Variants in SARNP observed in about 807,000 individuals in gnomAD.
SARNP encodes the protein SAP domain-containing ribonucleoprotein.
A neutral mutation model predicts 38.1 loss-of-function variants in SARNP; 5 were observed. The ratio of observed to expected loss-of-function variants is 0.13; its 90% CI spans 0.07 to 0.28. The LOEUF is 0.28. Ranked by LOEUF, SARNP falls within the 10% of genes least tolerant of loss-of-function variation. The probability of loss-of-function intolerance (pLI) is 1.00; values close to 1 mark genes in which losing one functional copy is unlikely to be tolerated. For synonymous variants in SARNP, 84 were observed against 80.6 expected (o/e 1.04, Z -0.23); for missense variants, 180 against 243.9 (o/e 0.74, Z 1.75).
At chr12:55,770,859 A>C (rs1053986661) in intron 9 of SARNP, among the ~76,000 whole-genome samples, 2 of 151,324 alleles carry the variant, frequency 1.3e-5, no homozygotes, top group African/African-American at 2.4e-5. Context: ...ATGGCTGTTT[A>C]CTCTGCCAAA....
chr12:55,754,454 G>A (rs1364287744), downstream of SARNP: 1 of 152,164 alleles, frequency 6.6e-6, no homozygotes, highest in African/African-American at 2.4e-5. Flanking sequence ...GTAGAAGCAG[G>A]AAAATCAATG....
At chr12:55,775,932 C>G (rs937146027) in intron 9 of SARNP, among the ~76,000 whole-genome samples, 1 of 152,158 alleles carries the variant, frequency 6.6e-6, no homozygotes, top group African/African-American at 2.4e-5. Context: ...TCTGCCATTG[C>G]TCTCACATGA....
At chr12:55,768,732 T>G (rs892540620) in intron 9 of SARNP, among the ~76,000 whole-genome samples, 4 of 151,850 alleles carry the variant, frequency 2.6e-5, no homozygotes, top group Non-Finnish European at 5.9e-5. Context: ...CCAGCCTCTT[T>G]CTTTTTTTTG....
intron 9 of SARNP, chr12:55,762,122 A>G (rs1214132009): frequency 6.6e-6 from 1 of 152,078 alleles, no homozygotes; most frequent in Non-Finnish European, 1.5e-5. Flanking sequence ...ACCCATCTTT[A>G]CTAAACATAC....
chr12:55,760,449 TA>T, intron 10 of SARNP, 101 bp downstream of exon 10: 1 of 714,370 alleles, frequency 1.4e-6, no homozygotes, highest in Non-Finnish European at 2.4e-6. Flanking sequence ...AATAAGTAAA[TA>T]AATAAATAAA....
chr12:55,760,544 T>C lies in SARNP; in HGVS notation c.591+7A>G. 2.6e-6 allele frequency: 4 copies of C among 1,567,474 alleles called. No individual in the cohort carries two copies. In the South Asian group the frequency reaches 3.3e-5, roughly 13 times the overall value. ...AGGTCTATGAAGCGTTCCAGGTATATTTTTACCTCTGTATCCTCTGTGGTT... is the reference window on the plus strand; with the variant it reads ...AGGTCTATGAAGCGTTCCAGGTATACTTTTACCTCTGTATCCTCTGTGGTT... On this transcript the variant is annotated splice_region_variant and intron_variant, in intron 10 of 10. Coordinates refer to ENST00000336133, the MANE Select transcript of SARNP (RefSeq NM_033082.4).
intron 10 of SARNP, among the ~76,000 whole-genome samples, chr12:55,759,008 A>T (rs1277382175): frequency 6.6e-6 from 1 of 150,510 alleles, no homozygotes; most frequent in African/African-American, 2.5e-5. Flanking sequence ...CCTCTGGAGT[A>T]GCTGGGACTA....
intron 2 of SARNP, among the ~76,000 whole-genome samples, chr12:55,801,509 T>C (rs1380876335): frequency 5.9e-5 from 9 of 152,200 alleles, no homozygotes; most frequent in Middle Eastern, 3.4e-3. Flanking sequence ...AAGATTTGTT[T>C]AAAAGAAAAA....
intron 1 of SARNP, among the ~76,000 whole-genome samples, chr12:55,808,982 A>C (rs1188300361): frequency 6.6e-6 from 1 of 152,154 alleles, no homozygotes; most frequent in Non-Finnish European, 1.5e-5. Flanking sequence ...AGAGGTGGGC[A>C]GATCACTTGA....
At chr12:55,780,797 A>T (rs1879320469) in intron 9 of SARNP, among the ~76,000 whole-genome samples, 1 of 152,262 alleles carries the variant, frequency 6.6e-6, no homozygotes, top group African/African-American at 2.4e-5. Flanking sequence ...GATATGCTGG[A>T]CAAGGGGATG....
At chr12:55,755,182 T>C (rs1483438846), downstream of SARNP, 1 of 152,102 alleles carries the variant, frequency 6.6e-6, no homozygotes, top group Non-Finnish European at 1.5e-5. Context: ...CTTAAGTTCC[T>C]CCCTCACTCC....
chr12:55,817,085 T>C (rs2136212016), intron 1 of SARNP, among the ~76,000 whole-genome samples: 1 of 152,224 alleles, frequency 6.6e-6, no homozygotes, highest in East Asian at 1.9e-4. Context: ...TCTCAAGACC[T>C]CCTCAACCCC....
chr12:55,763,573 T>C (rs1402806231), intron 9 of SARNP, among the ~76,000 whole-genome samples: 2 of 152,152 alleles, frequency 1.3e-5, no homozygotes, highest in African/African-American at 2.4e-5. Context: ...TTCCAAAGTG[T>C]TGGGATTACA....
rs767983826 is a variant in SARNP, at chr12:55,790,600, A to T, written c.407-8T>A. 9.3e-6 allele frequency: 14 copies of T among 1,510,994 alleles called. No homozygotes were observed. Among genetic ancestry groups the T allele is most frequent in the Non-Finnish European group, 2.7e-6 (3 of 1,127,586 alleles). The allele number at this position is 1,510,994 out of a possible 1,614,324, so 93.6% of individuals were successfully genotyped here. ...TGTTATCAGATGACAGACCTAAGGA[A>T]GTAAATAAAGTTTTATTTAATATTT... On this transcript the variant is annotated splice_region_variant and splice_polypyrimidine_tract_variant and intron_variant, in intron 7 of 10. Coordinates refer to ENST00000336133, the MANE Select transcript of SARNP (RefSeq NM_033082.4).
At chr12:55,806,099 G>A (rs143533210) in intron 1 of SARNP, among the ~76,000 whole-genome samples, 1 of 151,316 alleles carries the variant, frequency 6.6e-6, no homozygotes, top group Admixed American at 6.6e-5. Context: ...TGACTGCAGA[G>A]TGACTGGAGA....
At chr12:55,793,676 G>T (rs1197497126) in intron 7 of SARNP, 1 of 151,204 alleles carries the variant, frequency 6.6e-6, no homozygotes, top group Admixed American at 6.6e-5. Context: ...AAACCTTGCT[G>T]AAGTGTCTAC....
At chr12:55,806,088 ATGAC>A (rs1880131967) in intron 1 of SARNP, among the ~76,000 whole-genome samples, 1 of 151,428 alleles carries the variant, frequency 6.6e-6, no homozygotes, top group Non-Finnish European at 1.5e-5. Flanking sequence ...AAAAAAAAAA[ATGAC>A]TGCAGAGTGA....
chr12:55,757,605 T>A, intron 10 of SARNP, 52 bp from the exon 11 acceptor site: 2 of 1,463,842 alleles, frequency 1.4e-6, no homozygotes, highest in Non-Finnish European at 1.9e-6. Flanking sequence ...AATAGTTGCC[T>A]GGGTTCCTGG....
chr12:55,767,339 A>T (rs1288169059), intron 9 of SARNP, among the ~76,000 whole-genome samples: 1 of 151,694 alleles, frequency 6.6e-6, no homozygotes, highest in Admixed American at 6.6e-5. Context: ...TGAGCCCAGG[A>T]GTTCAAGACC....
Sources: allele counts gnomAD v4.1 joint callset (sites outside exome capture counted in the v4.1 genomes callset), GRCh38; gene constraint gnomAD v4.1.1; transcripts MANE v1.5; gene names NCBI Gene and HGNC (gene_info 2026-07-23, HGNC 2026-07-21).